The following DNAAF6 variants were observed in gnomAD, a reference collection of about 807,000 sequenced individuals.
The protein encoded by DNAAF6 is PIH1 domain containing 3.
DNAAF6 carries 3 observed loss-of-function variants against 13.7 expected under a neutral mutation model. The ratio of observed to expected loss-of-function variants is 0.22; its 90% CI spans 0.10 to 0.56. DNAAF6 has a LOEUF of 0.56. Ranked by LOEUF, DNAAF6 falls within the 20% of genes least tolerant of loss-of-function variation. The pLI, the probability that DNAAF6 is intolerant of heterozygous loss-of-function variation, is 0.92. For synonymous variants in DNAAF6, 54 were observed against 49.2 expected, an observed-to-expected ratio of 1.10 and a Z score of -0.41; for missense variants, 130 against 151.0, an observed-to-expected ratio of 0.86 and a Z score of 0.73.
At chrX:107,211,681 C>T in intron 1 of DNAAF6, among the ~76,000 whole-genome samples, 1 of 112,115 alleles carries the variant, frequency 8.9e-6, no homozygotes, top group Non-Finnish European at 1.9e-5. Context: ...GCTAAAATTG[C>T]TTTTGAAACT....
rs1215433859 is a variant in DNAAF6, at chrX:107,222,110, T to A, written c.333-635T>A. ...GAAAACCTTTCATTACACTCAGAAT[T>A]CTGTAAGACTAGATTCTAAGCACTA... is the stretch of plus-strand genomic sequence containing the variant. On this transcript the variant is annotated intron_variant, in intron 4 of 6. Transcript: ENST00000372453. Among the ~76,000 whole-genome samples the A allele has an allele frequency of 2.7e-5, 3 of 110,730 alleles. No individual in the cohort carries two copies. The East Asian group carries it at 8.5e-4, about 31-fold the overall frequency.
At chrX:107,218,134 G>A (rs1928033746) in intron 3 of DNAAF6, among the ~76,000 whole-genome samples, 1 of 112,202 alleles carries the variant, frequency 8.9e-6, no homozygotes, top group Admixed American at 9.5e-5. Flanking sequence ...TGCACCTAAT[G>A]CAGGTCTCCA....
chrX:107,218,592 C>A (rs1379190152), intron 3 of DNAAF6, among the ~76,000 whole-genome samples: 3 of 110,470 alleles, frequency 2.7e-5, no homozygotes, highest in Admixed American at 9.7e-5. Context: ...TATCTCCAGG[C>A]AGTTGGATTG....
At chrX:107,233,112 T>C (rs776111964) in intron 5 of DNAAF6, among the ~76,000 whole-genome samples, 1 of 111,483 alleles carries the variant, frequency 9.0e-6, no homozygotes, top group South Asian at 3.8e-4. Context: ...GAAATATCAA[T>C]AAAGAACAAG....
At position 107,243,881 on chromosome X, in the gene DNAAF6, T is replaced by C. The variant is rs769038812; in HGVS notation, c.*583T>C. ...TATTTACATTTACACTGTGATACAATCAGTTGCATAGCAATTGGTCATTAT... is the reference window on the plus strand; with the variant it reads ...TATTTACATTTACACTGTGATACAACCAGTTGCATAGCAATTGGTCATTAT... On this transcript the variant is annotated 3_prime_UTR_variant, in exon 7 of 7. Coordinates refer to ENST00000372453, the MANE Select transcript of DNAAF6 (RefSeq NM_173494.2). 8.9e-6 allele frequency: 1 copy of C among 112,566 alleles called. No individual in the cohort carries two copies. The highest frequency in any genetic ancestry group is 3.2e-5 in the African/African-American group (1 of 30,948). The allele number at this position is 112,566 out of a possible 1,213,427, so 9.3% of individuals were successfully genotyped here. A position where few individuals can be genotyped will look rare whatever the true frequency, so the allele number is the denominator to read the frequency against.
intron 2 of DNAAF6, among the ~76,000 whole-genome samples, chrX:107,215,749 G>C (rs141021121): frequency 1.8e-5 from 2 of 111,608 alleles, no homozygotes; most frequent in African/African-American, 6.5e-5. Context: ...TGAGGACAGG[G>C]GCCTGAGAAA....
At chrX:107,232,893 C>A (rs1928439103) in intron 5 of DNAAF6, among the ~76,000 whole-genome samples, 1 of 110,220 alleles carries the variant, frequency 9.1e-6, no homozygotes, top group South Asian at 3.9e-4. Flanking sequence ...CAGGCGCGCA[C>A]CACCATGCCC....
At chrX:107,215,162 T>C (rs1347489842) in intron 2 of DNAAF6, among the ~76,000 whole-genome samples, 1 of 112,064 alleles carries the variant, frequency 8.9e-6, no homozygotes, top group Non-Finnish European at 1.9e-5. Flanking sequence ...TATGATCCCA[T>C]TCCATCTTTT....
chrX:107,240,235 T>C (rs1292235469), intron 6 of DNAAF6, among the ~76,000 whole-genome samples: 1 of 112,166 alleles, frequency 8.9e-6, no homozygotes, highest in East Asian at 2.8e-4. Context: ...ACATGGGCTA[T>C]ACACTAGGTC....
At chrX:107,206,991 T>G (rs1471668107) in intron 1 of DNAAF6, among the ~76,000 whole-genome samples, 1 of 111,738 alleles carries the variant, frequency 8.9e-6, no homozygotes, top group Non-Finnish European at 1.9e-5. Flanking sequence ...TCTGAAAGTT[T>G]CCCAACTGGT....
At chrX:107,210,747 C>G (rs374696936) in intron 1 of DNAAF6, among the ~76,000 whole-genome samples, 1 of 111,208 alleles carries the variant, frequency 9.0e-6, no homozygotes, top group Non-Finnish European at 1.9e-5. Context: ...TTTTAAAAAT[C>G]GCTACACTGT....
intron 4 of DNAAF6, among the ~76,000 whole-genome samples, chrX:107,222,175 G>A (rs2147831107): frequency 9.0e-6 from 1 of 111,090 alleles, no homozygotes; most frequent in South Asian, 3.8e-4. Flanking sequence ...TGTTTCTATT[G>A]TAGAATTTTA....
intron 3 of DNAAF6, 99 bp downstream of exon 3, chrX:107,216,842 A>G: frequency 1.9e-6 from 1 of 531,945 alleles, no homozygotes; most frequent in Non-Finnish European, 2.9e-6. Flanking sequence ...ATTTATTAAG[A>G]TGAACTAAAT....
intron 5 of DNAAF6, among the ~76,000 whole-genome samples, chrX:107,230,490 C>T (rs1029864275): frequency 2.7e-5 from 3 of 111,460 alleles, no homozygotes; most frequent in Non-Finnish European, 3.8e-5. Flanking sequence ...CGAGACTAGC[C>T]TGGCCAACAT....
At chrX:107,214,914 G>A (rs1420232932) in intron 2 of DNAAF6, among the ~76,000 whole-genome samples, 1 of 111,447 alleles carries the variant, frequency 9.0e-6, no homozygotes, top group Non-Finnish European at 1.9e-5. Flanking sequence ...TAAGAATCTG[G>A]GAGATTGAGG....
chrX:107,230,533 A>G (rs1487142964), intron 5 of DNAAF6, among the ~76,000 whole-genome samples: 2 of 111,689 alleles, frequency 1.8e-5, no homozygotes, highest in Non-Finnish European at 3.8e-5. Flanking sequence ...AAATATAAAA[A>G]TTAGCCGAGC....
At chrX:107,243,081 C>T (rs1045589282) in intron 6 of DNAAF6, 88 bp from the exon 7 acceptor site, 1 of 1,012,325 alleles carries the variant, frequency 9.9e-7, no homozygotes, top group African/African-American at 2.0e-5. Flanking sequence ...TTCTAACACT[C>T]TAGTGGCATA....
intron 5 of DNAAF6, among the ~76,000 whole-genome samples, chrX:107,225,501 T>C (rs181658782): frequency 4.5e-5 from 5 of 111,067 alleles, no homozygotes; most frequent in Admixed American, 9.6e-5. Flanking sequence ...GTGGGGAAAA[T>C]TGTACCTGAG....
Position 107,218,943 on chromosome X carries a change from T to C in DNAAF6, c.306T>C (p.Asp102=). Residue 102 remains aspartate, a synonymous_variant, in exon 4 of 7, where the codon GAT becomes GAC. Transcript: ENST00000372453. ...TTCCAGAAGGAGCAGAATATGATGATATGTGGGATGTTAGAGAAATCCCAG... is the reference window on the plus strand; with the variant it reads ...TTCCAGAAGGAGCAGAATATGATGACATGTGGGATGTTAGAGAAATCCCAG... ...EEIPEGAEYD[D]MWDVREIPEY... is the part of the protein sequence containing the mutation. 8.4e-7 allele frequency: 1 copy of C among 1,184,455 alleles called. No homozygotes were observed. The highest frequency in any genetic ancestry group is 1.1e-6 in the Non-Finnish European group (1 of 887,335).
Sources: gnomAD v4.1 joint callset for allele counts (sites outside exome capture counted in the v4.1 genomes callset) on GRCh38, gnomAD v4.1.1 for gene constraint, MANE v1.5 for transcripts, NCBI Gene and HGNC (gene_info 2026-07-23, HGNC 2026-07-21) for gene names.